The following RTN2 variants were observed in gnomAD, a reference collection of about 807,000 sequenced individuals.
The protein encoded by RTN2 is reticulon 2.
In RTN2, 36 loss-of-function variants were observed where a neutral mutation model predicts 63.7. The ratio of observed to expected loss-of-function variants is 0.56; its 90% CI spans 0.43 to 0.75. RTN2 has a LOEUF of 0.75. RTN2 is among the 30% of genes least tolerant of loss of function. RTN2 has a pLI of 0.00. For synonymous variants in RTN2, 312 were observed against 313.0 expected (o/e 1.00, Z 0.03); for missense variants, 673 against 705.1 (o/e 0.95, Z 0.52).
chr19:45,495,055 GC>G, intron 2 of RTN2, 39 bp downstream of exon 2: 2 of 1,614,166 alleles, frequency 1.2e-6, no homozygotes, highest in Non-Finnish European at 1.7e-6. Flanking sequence ...TCCCTGAGCT[GC>G]CCAGCCCTGA....
Position 45,494,701 on chromosome 19 carries a change from G to A in RTN2, c.384C>T (p.Asp128=). The A allele has an allele frequency of 6.2e-7, 1 of 1,613,462 alleles. No homozygotes were observed. The highest frequency in any genetic ancestry group is 1.3e-5 in the African/African-American group (1 of 75,058). The change falls in exon 3 of 11, where the codon GAC becomes GAT. Residue 128 remains aspartate (D), a synonymous_variant. Transcript: ENST00000245923. The surrounding 1 kb of genome is among the most constrained non-coding windows in gnomAD (Gnocchi z 5.3). ...GAGGGCGCTCGGATGGAGGCGCGGT[G>A]TCAGGATCACCCCGTCGTCCAGGCT... The part of the protein sequence containing the change: ...SPEPGRRGDP[D]TAPPSERPLE...
Position 45,488,638 on chromosome 19 carries a change from C to G in RTN2, c.1449G>C (p.Leu483=), listed in dbSNP as rs768934152. The change falls in exon 8 of 11, where the codon CTG becomes CTC. Residue 483 remains leucine, a splice_region_variant and synonymous_variant. Transcript: ENST00000245923. ...AIFNGLTLLI[L]GVIGLFTIPL... ...CCCCTTACGGCCTTCCCAGCTCACC[C>G]AGAATGAGAAGAGTCAAACCATTGA... The G allele has an allele frequency of 1.9e-6, 3 of 1,613,964 alleles. No homozygotes were observed. The highest frequency in any genetic ancestry group is 3.3e-5 in the Admixed American group (2 of 59,976).
intron 5 of RTN2, among the ~76,000 whole-genome samples, chr19:45,490,344 C>T (rs1304802440): frequency 6.6e-6 from 1 of 152,124 alleles, no homozygotes; most frequent in East Asian, 1.9e-4. Flanking sequence ...TGTGTTGTGG[C>T]TGTGCTCCTG....
chr19:45,488,397 C>A (rs1968073444), intron 9 of RTN2, 74 bp downstream of exon 9: 3 of 1,520,920 alleles, frequency 2.0e-6, no homozygotes, highest in Admixed American at 1.8e-5. Flanking sequence ...GTCAATGGGA[C>A]CCCGGTTCTG....
Position 45,489,377 on chromosome 19 carries a change from C to T in RTN2, c.1210G>A (p.Val404Met), listed in dbSNP as rs200512597. ...LRVYRKVLQAVHRGDGANPFQ... is the reference protein window; with the variant it reads ...LRVYRKVLQAMHRGDGANPFQ... ...GGGTTGGCTCCATCCCCCCGGTGCA[C>T]GGCCTGCAGCACTTTGCGGTAAACC... The change falls in exon 6 of 11, where the codon GTG (valine) becomes ATG (methionine). Residue 404 changes from valine to methionine, a missense_variant. Coordinates refer to ENST00000245923, the MANE Select transcript of RTN2 (RefSeq NM_005619.5). 103 of 1,581,130 alleles carry T rather than the reference C, an allele frequency of 6.5e-5. No individual in the cohort carries two copies. Among genetic ancestry groups the T allele is most frequent in the Admixed American group, 1.1e-4 (6 of 54,254 alleles).
In RTN2 at chr19:45,489,351, AG is replaced by A. The variant is rs1438729233; in HGVS notation, c.1235del (p.Pro412LeufsTer12). 6.4e-7 allele frequency: 1 copy of A among 1,562,134 alleles called. No homozygotes were observed. Among genetic ancestry groups the A allele is most frequent in the Admixed American group, 1.9e-5 (1 of 51,824 alleles). On this transcript the variant is annotated frameshift_variant, in exon 6 of 11. Transcript: ENST00000245923. LOFTEE classifies it high-confidence loss of function. ...QAVHRGDGAN[P>X]FQAYLDVDLT... The stretch of plus-strand genomic sequence containing the variant: ...CAGGGGCCGGGGGTTCTCACTGGAA[AG>A]GGTTGGCTCCATCCCCCCGGTGCAC...
At position 45,485,842 on chromosome 19, in the gene RTN2, C is replaced by T. The variant is rs1353593676; in HGVS notation, c.1557-53G>A. ...GGTGGGGCAAGAGACGCGGGGTGGG[C>T]ATCTGGGGACAACGGGGAAAGCTGG... On this transcript the variant is annotated intron_variant, in intron 10 of 10. Transcript: ENST00000245923. 4 of 1,387,132 alleles carry T rather than the reference C, an allele frequency of 2.9e-6. No individual in the cohort carries two copies. The Admixed American group carries it at 5.1e-5, about 18-fold the overall frequency. 85.9% of individuals were successfully genotyped at this position (1,387,132 alleles called of 1,614,324 possible).
Position 45,496,948 on chromosome 19 carries a change from T to G in RTN2, c.-123A>C. 8.0e-6 allele frequency: 4 copies of G among 502,544 alleles called. No homozygotes were observed. The highest frequency in any genetic ancestry group is 2.1e-5 in the African/African-American group (1 of 47,914). The allele number at this position is 502,544 out of a possible 1,614,324, so 31.1% of individuals were successfully genotyped here. ...CGCTGCCATTCTCGCCGCCTCCTCC[T>G]CCCGGGCTGCTCCAGCCGCCGCCGC... On this transcript the variant is annotated 5_prime_UTR_variant, in exon 1 of 11. Transcript: ENST00000245923.
chr19:45,487,374 T>C (rs1968047603), intron 9 of RTN2, among the ~76,000 whole-genome samples: 2 of 151,802 alleles, frequency 1.3e-5, no homozygotes, highest in Admixed American at 6.6e-5. Flanking sequence ...TTGTGAGTCT[T>C]GGTGATTCCA....
chr19:45,494,085 G>A lies in RTN2; in HGVS notation c.814+81C>T, dbSNP rs2122226189. ...TTTCCACTATGTACTGTTCCTTTGCGAGGTTGGTCCCTTTAATTCAAAATC... is the reference window on the plus strand; with the variant it reads ...TTTCCACTATGTACTGTTCCTTTGCAAGGTTGGTCCCTTTAATTCAAAATC... On this transcript the variant is annotated intron_variant, in intron 4 of 10. Transcript: ENST00000245923. The surrounding 1 kb of genome is among the most constrained non-coding windows in gnomAD (Gnocchi z 5.3). 1 of 1,549,726 alleles carries A rather than the reference G, an allele frequency of 6.5e-7. No homozygotes were observed. Among genetic ancestry groups the A allele is most frequent in the African/African-American group, 1.4e-5 (1 of 73,522 alleles).
intron 8 of RTN2, 31 bp downstream of exon 8, chr19:45,488,597 TCCAAGTCCC>T (rs1599906760): frequency 6.2e-7 from 1 of 1,613,574 alleles, no homozygotes; most frequent in East Asian, 2.2e-5. Context: ...CCCACCAGAC[TCCAAGTCCC>T]CATTTGCCCC....
At chr19:45,490,049 TG>T (rs1198339285) in intron 5 of RTN2, among the ~76,000 whole-genome samples, 1 of 152,198 alleles carries the variant, frequency 6.6e-6, no homozygotes, top group East Asian at 1.9e-4. Flanking sequence ...TTGCCCAGGC[TG>T]GAGTGCAGTG....
chr19:45,493,257 G>T lies in RTN2; in HGVS notation c.936C>A (p.Pro312=). ...AIGWVQRGPT[P]PTPVLRVLLK... is the part of the protein sequence containing the mutation. ...GTAGAACCCGGAGGACAGGAGTAGG[G>T]GGGGTGGGGCCCCTTTGGACCCAGC... The change falls in exon 5 of 11, where the codon CCC becomes CCA. Residue 312 remains proline (P), a synonymous_variant. Transcript: ENST00000245923. The T allele has an allele frequency of 2.5e-6, 4 of 1,613,736 alleles. No homozygotes were observed. The highest frequency in any genetic ancestry group is 3.4e-6 in the Non-Finnish European group (4 of 1,179,952).
rs556975707 is a variant in RTN2 at position 45,494,927 on chromosome 19, G to A, written c.158C>T (p.Ser53Leu). Residue 53 changes from serine to leucine, a missense_variant, in exon 3 of 11, where the codon TCG becomes TTG. Coordinates refer to ENST00000245923, the MANE Select transcript of RTN2 (RefSeq NM_005619.5). The surrounding 1 kb of genome is among the most constrained non-coding windows in gnomAD (Gnocchi z 5.3). ...CTCCCGGGGGGTGCCCCAGTCCTGCGACGTGGTCTCCTCCTCGTCCTCCTC... is the reference window on the plus strand; with the variant it reads ...CTCCCGGGGGGTGCCCCAGTCCTGCAACGTGGTCTCCTCCTCGTCCTCCTC... ...FSEEDEEETT[S>L]QDWGTPRELT... The A allele has an allele frequency of 6.2e-7, 1 of 1,613,710 alleles. No individual in the cohort carries two copies. Among genetic ancestry groups the A allele is most frequent in the Admixed American group, 1.7e-5 (1 of 60,012 alleles).
intron 1 of RTN2, chr19:45,496,526 C>T (rs1313976109): frequency 4.6e-5 from 16 of 347,446 alleles, no homozygotes; most frequent in Non-Finnish European, 4.2e-5. Context: ...CGCTCCCGGG[C>T]GGGGCCGGGC....
chr19:45,486,238 C>A, intron 9 of RTN2, 125 bp from the exon 10 acceptor site: 1 of 758,376 alleles, frequency 1.3e-6, no homozygotes, highest in Non-Finnish European at 2.3e-6. Flanking sequence ...CCACGCCACC[C>A]CCGGCTCTAA....
chr19:45,495,571 G>A (rs900079260), intron 1 of RTN2, among the ~76,000 whole-genome samples: 2 of 152,220 alleles, frequency 1.3e-5, no homozygotes, highest in African/African-American at 4.8e-5. Context: ...AAGAAGGGTA[G>A]GGGAAGAGAA....
At chr19:45,486,845 C>A (rs1968034336) in intron 9 of RTN2, among the ~76,000 whole-genome samples, 1 of 150,790 alleles carries the variant, frequency 6.6e-6, no homozygotes, top group South Asian at 2.1e-4. Flanking sequence ...AGCGATTCTC[C>A]TGCCTCAGCC....
chr19:45,489,138 G>C, intron 6 of RTN2, 152 bp from the exon 7 acceptor site: 1 of 873,308 alleles, frequency 1.1e-6, no homozygotes, highest in Non-Finnish European at 1.8e-6. Context: ...AGAGGGCTGG[G>C]GTCAGGGTCA....
Sources: gnomAD v4.1 joint callset for allele counts (sites outside exome capture counted in the v4.1 genomes callset) on GRCh38, gnomAD v4.1.1 for gene constraint, Gnocchi (gnomAD v3.1) non-coding constraint, MANE v1.5 for transcripts, NCBI Gene and HGNC (gene_info 2026-07-23, HGNC 2026-07-21) for gene names.